The following IQCM variants were observed in gnomAD, a reference collection of about 807,000 sequenced individuals.
The protein encoded by IQCM is IQ domain-containing protein M.
Under a neutral mutation model 57.6 loss-of-function variants are expected in IQCM, and 45 were observed. The ratio of observed to expected loss-of-function variants is 0.78; its 90% confidence interval spans 0.62 to 1.00. The LOEUF is 1.00. Ranked by LOEUF, IQCM falls within the 50% of genes least tolerant of loss-of-function variation. The probability of loss-of-function intolerance (pLI) is 0.00; values close to 1 mark genes in which losing one functional copy is unlikely to be tolerated. For missense variants in IQCM, 468 were observed against 511.6 expected, an observed-to-expected ratio of 0.91 and a Z score of 0.82; for synonymous variants, 148 against 158.9, an observed-to-expected ratio of 0.93 and a Z score of 0.51.
At chr4:149,408,526 AC>A (rs1231875488) in intron 13 of IQCM, among the ~76,000 whole-genome samples, 2 of 152,176 alleles carry the variant, frequency 1.3e-5, no homozygotes, top group African/African-American at 4.8e-5. Flanking sequence ...ATTTTAAGAA[AC>A]AGCTTTAGCA....
chr4:149,807,196 G>A (rs990777029), intron 2 of IQCM, among the ~76,000 whole-genome samples: 1 of 151,808 alleles, frequency 6.6e-6, no homozygotes, highest in African/African-American at 2.4e-5. Flanking sequence ...ACCCCAAATA[G>A]CTAGAGCAAT....
chr4:149,786,557 A>T (rs1339481735), intron 2 of IQCM, among the ~76,000 whole-genome samples: 1 of 152,186 alleles, frequency 6.6e-6, no homozygotes, highest in African/African-American at 2.4e-5. Context: ...AGACATTTAT[A>T]CAGCCAACAA....
chr4:149,680,456 C>T (rs1474784797), intron 7 of IQCM, among the ~76,000 whole-genome samples: 2 of 151,112 alleles, frequency 1.3e-5, no homozygotes, highest in African/African-American at 4.8e-5. Flanking sequence ...TTCTCAATTT[C>T]TTTTTTTCTT....
intron 12 of IQCM, among the ~76,000 whole-genome samples, chr4:149,524,289 CAATGAA>C (rs1431146777): frequency 6.6e-6 from 1 of 151,908 alleles, no homozygotes; most frequent in Non-Finnish European, 1.5e-5. Flanking sequence ...TTTTCTGGGG[CAATGAA>C]AATGTTCTAT....
rs368612144 is a variant in IQCM, at chr4:149,807,080, A to G, written c.-49+8231T>C. On this transcript the variant is annotated intron_variant, in intron 2 of 13. Coordinates refer to ENST00000636793, the MANE Select transcript of IQCM (RefSeq NM_001363507.2). ...GAATGAATATTATTAAAATCTCTATACTATCCAAAACAATCTACATATCCA... is the reference window on the plus strand; with the variant it reads ...GAATGAATATTATTAAAATCTCTATGCTATCCAAAACAATCTACATATCCA... Among the ~76,000 whole-genome samples, 159 of 152,070 alleles carry G rather than the reference A, an allele frequency of 1.0e-3. No individual in the cohort carries two copies. In the Middle Eastern group the frequency reaches 0.017, roughly 16 times the overall value.
chr4:149,582,354 A>AC lies in IQCM; in HGVS notation c.749+5575_749+5576insG, dbSNP rs1174896255. Among the ~76,000 whole-genome samples, 5 of 39,502 alleles carry AC rather than the reference A, an allele frequency of 1.3e-4. No individual in the cohort carries two copies. The South Asian group carries it at 3.2e-3, about 25-fold the overall frequency. 25.9% of individuals were successfully genotyped at this position (39,502 alleles called of 152,430 possible). ...TATATATATATATATATATATATAT[A>AC]TATATATATATATATTTAGTTGAAA... On this transcript the variant is annotated intron_variant, in intron 9 of 13. Transcript: ENST00000636793.
chr4:149,679,825 T>A (rs1321399169), intron 7 of IQCM, among the ~76,000 whole-genome samples: 2 of 151,472 alleles, frequency 1.3e-5, no homozygotes, highest in Non-Finnish European at 3.0e-5. Flanking sequence ...TGTAGAGTTA[T>A]AATAATGATG....
At chr4:149,481,701 G>GTTTTTTTTTTTTTTGTTTTGTTTTTTTTT (rs1740834894) in intron 12 of IQCM, among the ~76,000 whole-genome samples, 1 of 51,550 alleles carries the variant, frequency 1.9e-5, no homozygotes, top group Non-Finnish European at 3.7e-5. Flanking sequence ...TTCCAGTTTT[G>GTTTTTTTTTTTTTTGTTTTGTTTTTTTTT]TTTTTTTTTT....
intron 12 of IQCM, among the ~76,000 whole-genome samples, chr4:149,516,933 G>A (rs989694070): frequency 6.6e-6 from 1 of 151,876 alleles, no homozygotes; most frequent in Admixed American, 6.6e-5. Flanking sequence ...GACAAAATTA[G>A]TCTACTACTC....
At chr4:149,511,127 C>T (rs1220380840) in intron 12 of IQCM, among the ~76,000 whole-genome samples, 2 of 152,160 alleles carry the variant, frequency 1.3e-5, no homozygotes, top group Non-Finnish European at 2.9e-5. Flanking sequence ...TTCATTCTGA[C>T]ATGTCTATGA....
intron 8 of IQCM, among the ~76,000 whole-genome samples, chr4:149,609,435 A>G (rs775123271): frequency 1.3e-5 from 2 of 151,934 alleles, no homozygotes; most frequent in Non-Finnish European, 2.9e-5. Flanking sequence ...AAGCCAGAAC[A>G]AAATCAAAGA....
At chr4:149,432,785 A>G (rs909607634) in intron 13 of IQCM, among the ~76,000 whole-genome samples, 1 of 152,064 alleles carries the variant, frequency 6.6e-6, no homozygotes, top group African/African-American at 2.4e-5. Flanking sequence ...AAAACTTAAT[A>G]AACATTAATA....
chr4:149,716,082 C>A (rs775037159), intron 5 of IQCM, among the ~76,000 whole-genome samples: 67 of 152,322 alleles, frequency 4.4e-4, no homozygotes, highest in Admixed American at 1.2e-3. Flanking sequence ...TGAGGCTTCA[C>A]TGGGATCTGC....
At chr4:149,763,475 T>C (rs942662115) in intron 2 of IQCM, among the ~76,000 whole-genome samples, 3 of 152,040 alleles carry the variant, frequency 2.0e-5, no homozygotes, top group African/African-American at 7.2e-5. Context: ...GGAGCTCCTC[T>C]CCTAAACTAG....
At chr4:149,754,100 G>A (rs1228139578) in intron 2 of IQCM, among the ~76,000 whole-genome samples, 1 of 152,060 alleles carries the variant, frequency 6.6e-6, no homozygotes, top group Non-Finnish European at 1.5e-5. Context: ...TGACTACTAA[G>A]AGCCCCCTAA....
chr4:149,776,870 C>G (rs1561262961), intron 2 of IQCM, among the ~76,000 whole-genome samples: 1 of 151,894 alleles, frequency 6.6e-6, no homozygotes, highest in East Asian at 1.9e-4. Context: ...TAAAAAATCA[C>G]TAAAAATTTT....
chr4:149,800,021 CA>C (rs997393888), intron 2 of IQCM, among the ~76,000 whole-genome samples: 18 of 151,654 alleles, frequency 1.2e-4, no homozygotes, highest in African/African-American at 4.3e-4. Context: ...ACCCTGATAC[CA>C]AAACCAGACA....
chr4:149,756,792 G>T (rs529867864), intron 2 of IQCM, among the ~76,000 whole-genome samples: 1 of 152,286 alleles, frequency 6.6e-6, no homozygotes, highest in East Asian at 1.9e-4. Flanking sequence ...TGGGTCCTTA[G>T]CTTGTTTAAG....
At chr4:149,487,556 C>A (rs1741652030) in intron 12 of IQCM, among the ~76,000 whole-genome samples, 1 of 152,062 alleles carries the variant, frequency 6.6e-6, no homozygotes, top group Non-Finnish European at 1.5e-5. Flanking sequence ...CCTAGGACCC[C>A]AGGGCACTTC....
Sources: allele counts gnomAD v4.1 joint callset (sites outside exome capture counted in the v4.1 genomes callset), GRCh38; gene constraint gnomAD v4.1.1; transcripts MANE v1.5; gene names NCBI Gene and HGNC (gene_info 2026-07-23, HGNC 2026-07-21).